DLG2: variants seen among roughly 807,000 people sequenced by gnomAD.
DLG2 encodes the protein disks large homolog 2.
DLG2 carries 45 observed loss-of-function variants against 132.5 expected under a neutral mutation model. The ratio of observed to expected loss-of-function variants is 0.34; its 90% CI spans 0.27 to 0.44. DLG2 has a LOEUF of 0.44. Ranked by LOEUF, DLG2 falls within the 20% of genes least tolerant of loss-of-function variation. DLG2 has a pLI of 1.00. For missense variants in DLG2, 1,045 were observed against 1,196.9 expected, an observed-to-expected ratio of 0.87 and a Z score of 1.87; for synonymous variants, 424 against 419.6, an observed-to-expected ratio of 1.01 and a Z score of -0.13.
chr11:84,154,224 C>T (rs752863693), intron 9 of DLG2, among the ~76,000 whole-genome samples: 2 of 152,206 alleles, frequency 1.3e-5, no homozygotes, highest in Middle Eastern at 3.2e-3. Flanking sequence ...TCTCAAAATA[C>T]TGACCTCAAG....
At chr11:83,540,808 C>A (rs573110773) in intron 20 of DLG2, among the ~76,000 whole-genome samples, 3 of 152,240 alleles carry the variant, frequency 2.0e-5, no homozygotes, top group South Asian at 4.2e-4. Context: ...AAAGCTAGTG[C>A]CTGCTTTTAT....
chr11:84,201,481 C>T (rs958318567), intron 8 of DLG2, among the ~76,000 whole-genome samples: 16 of 152,020 alleles, frequency 1.1e-4, no homozygotes, highest in Admixed American at 2.6e-4. Context: ...AGGGAGGAGT[C>T]CCTCCTTTTC....
intron 21 of DLG2, among the ~76,000 whole-genome samples, chr11:83,518,803 T>C (rs768816110): frequency 9.9e-5 from 15 of 152,082 alleles, no homozygotes; most frequent in African/African-American, 2.2e-4. Flanking sequence ...TGATGTGAGA[T>C]GAAATTAAAA....
intron 3 of DLG2, among the ~76,000 whole-genome samples, chr11:85,585,163 T>G (rs1384752750): frequency 6.6e-6 from 1 of 152,184 alleles, no homozygotes; most frequent in Non-Finnish European, 1.5e-5. Context: ...TGATCCATCT[T>G]GAGTGGATTT....
chr11:83,766,043 T>C (rs749620176), intron 18 of DLG2, among the ~76,000 whole-genome samples: 1 of 152,176 alleles, frequency 6.6e-6, no homozygotes. Flanking sequence ...CATATTTTCT[T>C]CTTAGAAGCA....
At chr11:85,303,299 T>C (rs1031232689) in intron 3 of DLG2, among the ~76,000 whole-genome samples, 1 of 152,200 alleles carries the variant, frequency 6.6e-6, no homozygotes, top group Non-Finnish European at 1.5e-5. Context: ...ATTGTTACCC[T>C]ACCATATGTA....
chr11:83,980,982 A>G (rs957979533), intron 11 of DLG2, among the ~76,000 whole-genome samples: 10 of 152,180 alleles, frequency 6.6e-5, no homozygotes, highest in Non-Finnish European at 1.0e-4. Context: ...TAGGTGAGCC[A>G]GGAAAAAGAC....
chr11:84,094,200 A>G (rs1256502727), intron 10 of DLG2, among the ~76,000 whole-genome samples: 2 of 152,174 alleles, frequency 1.3e-5, no homozygotes, highest in Admixed American at 6.6e-5. Context: ...GAAGTTGCTT[A>G]ACCTACCAGT....
intron 7 of DLG2, among the ~76,000 whole-genome samples, chr11:84,284,560 T>C (rs17147136): frequency 0.086 from 13,074 of 152,236 alleles, 616 homozygotes; most frequent in Non-Finnish European, 0.1. Context: ...TTGACTGAAG[T>C]AGGTGGGACC....
chr11:83,934,891 T>C (rs1399697781), intron 14 of DLG2, among the ~76,000 whole-genome samples: 1 of 151,986 alleles, frequency 6.6e-6, no homozygotes, highest in African/African-American at 2.4e-5. Flanking sequence ...AAATGAAAAG[T>C]GATCAGTACC....
At chr11:84,188,332 C>T (rs909570044) in intron 8 of DLG2, among the ~76,000 whole-genome samples, 5 of 152,256 alleles carry the variant, frequency 3.3e-5, no homozygotes, top group South Asian at 2.1e-4. Context: ...ATTACAGTCA[C>T]ATTTTTAAGT....
At chr11:83,888,570 T>G (rs985854168) in intron 15 of DLG2, among the ~76,000 whole-genome samples, 47 of 152,156 alleles carry the variant, frequency 3.1e-4, no homozygotes, top group Non-Finnish European at 5.7e-4. Flanking sequence ...AAGCTACCAA[T>G]GACTTTCTTC....
chr11:85,421,546 G>T (rs761609374), intron 3 of DLG2, among the ~76,000 whole-genome samples: 25 of 151,698 alleles, frequency 1.6e-4, no homozygotes, highest in Non-Finnish European at 2.9e-4. Context: ...TTAGGTTTGT[G>T]CAAGTCCTTA....
At chr11:84,456,723 C>G (rs183888727) in intron 7 of DLG2, among the ~76,000 whole-genome samples, 26 of 151,410 alleles carry the variant, frequency 1.7e-4, no homozygotes, top group African/African-American at 5.6e-4. Flanking sequence ...CACTTATCAG[C>G]TTCTAACAGC....
intron 19 of DLG2, among the ~76,000 whole-genome samples, chr11:83,560,665 G>A (rs944399324): frequency 6.6e-6 from 1 of 152,158 alleles, no homozygotes; most frequent in Non-Finnish European, 1.5e-5. Flanking sequence ...GGTTATATAT[G>A]TCCAATTTCT....
At chr11:83,650,092 C>T (rs2069657798) in intron 18 of DLG2, among the ~76,000 whole-genome samples, 1 of 152,094 alleles carries the variant, frequency 6.6e-6, no homozygotes, top group Admixed American at 6.5e-5. Context: ...AAAAATGCAC[C>T]CATAAGTAGT....
intron 5 of DLG2, among the ~76,000 whole-genome samples, chr11:85,122,703 T>C (rs2074469429): frequency 1.3e-5 from 2 of 151,920 alleles, no homozygotes; most frequent in Admixed American, 1.3e-4. Flanking sequence ...TCCAGCAGTT[T>C]TCTAGCAGAT....
chr11:84,838,109 T>C (rs796863210), intron 6 of DLG2, among the ~76,000 whole-genome samples: 5 of 152,034 alleles, frequency 3.3e-5, no homozygotes, highest in African/African-American at 1.2e-4. Flanking sequence ...CAAAGCAATA[T>C]TAACTAAGCT....
chr11:85,410,707 T>C (rs191260718), intron 3 of DLG2, among the ~76,000 whole-genome samples: 2 of 151,956 alleles, frequency 1.3e-5, no homozygotes, highest in Non-Finnish European at 2.9e-5. Context: ...GAAAATATGG[T>C]CTCAGCCCTC....
Sources: allele counts gnomAD v4.1 joint callset (sites outside exome capture counted in the v4.1 genomes callset), GRCh38; gene constraint gnomAD v4.1.1; transcripts MANE v1.5; gene names NCBI Gene and HGNC (gene_info 2026-07-23, HGNC 2026-07-21).